The following KCND2 variants were observed in gnomAD, a reference collection of about 807,000 sequenced individuals.
The protein encoded by KCND2 is potassium voltage-gated channel subfamily D member 2.
In KCND2, 16 loss-of-function variants were observed where a neutral mutation model predicts 54.4. That is an observed-to-expected ratio of 0.29 (90% CI 0.20 to 0.45). The LOEUF (loss-of-function observed/expected upper bound fraction) is 0.45, where lower values mean the gene tolerates loss of function less well. Ranked by LOEUF, KCND2 falls within the 20% of genes least tolerant of loss-of-function variation. KCND2 has a pLI of 1.00. For missense variants in KCND2, 486 were observed against 824.2 expected (o/e 0.59, Z 5.02); for synonymous variants, 317 against 310.7 (o/e 1.02, Z -0.21).
chr7:120,695,452 A>G (rs1205289918), intron 1 of KCND2, among the ~76,000 whole-genome samples: 3 of 152,160 alleles, frequency 2.0e-5, no homozygotes, highest in African/African-American at 7.2e-5. Flanking sequence ...TGTCAGACAT[A>G]TTTTGTGAAG....
rs1490124728 is a variant in KCND2, at chr7:120,273,814, C to G, written c.-819C>G. ...TCTGCGCGGAAGCAGATGCTGCTGC[C>G]GCCACGGCGGCGGCGGCTGCCAGCT... On this transcript the variant is annotated 5_prime_UTR_variant, in exon 1 of 6. Transcript: ENST00000331113. 1 of 152,870 alleles carries G rather than the reference C, an allele frequency of 6.5e-6. No individual in the cohort carries two copies. Among genetic ancestry groups the G allele is most frequent in the Non-Finnish European group, 1.5e-5 (1 of 68,240 alleles). 9.5% of individuals were successfully genotyped at this position (152,870 alleles called of 1,614,324 possible). A position where few individuals can be genotyped will look rare whatever the true frequency, so the allele number is the denominator to read the frequency against.
intron 1 of KCND2, among the ~76,000 whole-genome samples, chr7:120,631,166 T>C (rs1793228986): frequency 3.3e-5 from 5 of 152,124 alleles, no homozygotes; most frequent in Admixed American, 2.0e-4. Flanking sequence ...AAAATAATAC[T>C]GTTGCAAGTA....
intron 1 of KCND2, among the ~76,000 whole-genome samples, chr7:120,478,601 T>G (rs368714548): frequency 6.6e-6 from 1 of 152,126 alleles, no homozygotes; most frequent in African/African-American, 2.4e-5. Flanking sequence ...AAGAACTTTT[T>G]TAAAGATTTA....
chr7:120,438,529 A>G (rs1483726855), intron 1 of KCND2, among the ~76,000 whole-genome samples: 7 of 152,208 alleles, frequency 4.6e-5, no homozygotes, highest in Non-Finnish European at 4.4e-5. Context: ...TGGGATGGAT[A>G]GATAGATGGA....
chr7:120,509,505 C>G (rs186925271), intron 1 of KCND2, among the ~76,000 whole-genome samples: 1 of 151,896 alleles, frequency 6.6e-6, no homozygotes, highest in Non-Finnish European at 1.5e-5. Context: ...ATCTCTTATC[C>G]GGGGTTGAAT....
chr7:120,497,857 T>C (rs377425152), intron 1 of KCND2, among the ~76,000 whole-genome samples: 1 of 152,208 alleles, frequency 6.6e-6, no homozygotes, highest in Non-Finnish European at 1.5e-5. Flanking sequence ...GATGGATATA[T>C]GTACTCAGGC....
At chr7:120,607,023 A>G (rs1792890196) in intron 1 of KCND2, among the ~76,000 whole-genome samples, 1 of 152,110 alleles carries the variant, frequency 6.6e-6, no homozygotes, top group Admixed American at 6.6e-5. Context: ...TACTACAGTG[A>G]CTGATTTTCA....
intron 1 of KCND2, among the ~76,000 whole-genome samples, chr7:120,544,875 T>C (rs576374903): frequency 9.9e-5 from 15 of 152,008 alleles, no homozygotes; most frequent in Admixed American, 2.6e-4. Context: ...TAATAAGAGA[T>C]ACTGAGTCTA....
chr7:120,727,585 A>C (rs904581033), intron 1 of KCND2, among the ~76,000 whole-genome samples: 2 of 152,200 alleles, frequency 1.3e-5, no homozygotes, highest in African/African-American at 4.8e-5. Context: ...CTTCCACCCA[A>C]AATAATCTTC....
intron 1 of KCND2, among the ~76,000 whole-genome samples, chr7:120,594,552 A>G (rs1191277690): frequency 6.6e-6 from 1 of 152,192 alleles, no homozygotes; most frequent in Non-Finnish European, 1.5e-5. Context: ...CAAAAGCCTC[A>G]TCTATTTCAA....
At chr7:120,320,983 A>G (rs1186832766) in intron 1 of KCND2, among the ~76,000 whole-genome samples, 2 of 152,148 alleles carry the variant, frequency 1.3e-5, no homozygotes, top group East Asian at 1.9e-4. Context: ...TTTTGTTTCC[A>G]AGTTTCGAAT....
At chr7:120,624,947 T>A (rs1212461164) in intron 1 of KCND2, among the ~76,000 whole-genome samples, 1 of 152,180 alleles carries the variant, frequency 6.6e-6, no homozygotes, top group Non-Finnish European at 1.5e-5. Context: ...TGTAAAAGAA[T>A]TGACATAAAT....
At chr7:120,648,689 T>A (rs531733528) in intron 1 of KCND2, among the ~76,000 whole-genome samples, 83 of 152,336 alleles carry the variant, frequency 5.4e-4, no homozygotes, top group Non-Finnish European at 9.4e-4. Context: ...AGATTTGGTA[T>A]TTTCCTTAAG....
chr7:120,713,806 T>TA lies in KCND2; in HGVS notation c.1116-19096dup, dbSNP rs142918099. Among the ~76,000 whole-genome samples the TA allele has an allele frequency of 2.0e-3, 300 of 152,308 alleles. 2 individuals carry two copies. Among genetic ancestry groups the TA allele is most frequent in the African/African-American group, 6.5e-3 (270 of 41,580 alleles). ...TTGCTGTCATATTAGTTATGTGAGT[T>TA]AGTCTTAAATGTGAGGGTATGGATT... On this transcript the variant is annotated intron_variant, in intron 1 of 5. Transcript: ENST00000331113.
At chr7:120,468,568 C>T (rs1333365920) in intron 1 of KCND2, among the ~76,000 whole-genome samples, 1 of 152,112 alleles carries the variant, frequency 6.6e-6, no homozygotes, top group African/African-American at 2.4e-5. Context: ...ATACAAGTGA[C>T]ATCAATTTAG....
chr7:120,720,167 C>G (rs917151155), intron 1 of KCND2, among the ~76,000 whole-genome samples: 2 of 152,074 alleles, frequency 1.3e-5, no homozygotes, highest in African/African-American at 4.8e-5. Flanking sequence ...CCATCTTACC[C>G]TTAGTTTTTA....
At chr7:120,713,397 A>G (rs983543008) in intron 1 of KCND2, among the ~76,000 whole-genome samples, 1 of 152,192 alleles carries the variant, frequency 6.6e-6, no homozygotes, top group African/African-American at 2.4e-5. Flanking sequence ...ATTATTGAGT[A>G]CAATGTCACA....
intron 1 of KCND2, among the ~76,000 whole-genome samples, chr7:120,435,789 C>T (rs1467180486): frequency 6.6e-6 from 1 of 152,120 alleles, no homozygotes; most frequent in East Asian, 1.9e-4. Flanking sequence ...CCTTTTCTCA[C>T]TCTCCCATTC....
At chr7:120,609,363 A>C (rs942821107) in intron 1 of KCND2, among the ~76,000 whole-genome samples, 3 of 152,076 alleles carry the variant, frequency 2.0e-5, no homozygotes, top group African/African-American at 7.2e-5. Context: ...TTACATAACT[A>C]TTCATACTAT....
Sources: gnomAD v4.1 joint callset for allele counts (sites outside exome capture counted in the v4.1 genomes callset) on GRCh38, gnomAD v4.1.1 for gene constraint, MANE v1.5 for transcripts, NCBI Gene and HGNC (gene_info 2026-07-23, HGNC 2026-07-21) for gene names.